The following LOC400499 variants were observed in gnomAD, a reference collection of about 807,000 sequenced individuals.
At chr16:11,459,445 C>G in the LOC400499 span, among the ~76,000 whole-genome samples, 1 of 152,028 alleles carries the variant, frequency 6.6e-6, no homozygotes, top group African/African-American at 2.4e-5. Flanking sequence ...ATCCGCCCGC[C>G]TCGGCCTCCC....
At chr16:11,459,482 C>CA in the LOC400499 span, among the ~76,000 whole-genome samples, 2 of 152,080 alleles carry the variant, frequency 1.3e-5, no homozygotes, top group Non-Finnish European at 2.9e-5. Flanking sequence ...AGGCATGAGC[C>CA]ACTGCGCCCG....
At chr16:11,458,653 G>T in the LOC400499 span, among the ~76,000 whole-genome samples, 3 of 152,150 alleles carry the variant, frequency 2.0e-5, no homozygotes, top group African/African-American at 7.2e-5. Flanking sequence ...TTATAGACTT[G>T]CAGTTTTGCA....
the LOC400499 span, chr16:11,392,818 A>C: frequency 1.0e-6 from 1 of 982,162 alleles, no homozygotes; most frequent in Non-Finnish European, 1.2e-6. Context: ...CCACAGGAAC[A>C]CATCACCCCC....
chr16:11,387,876 G>C, the LOC400499 span, among the ~76,000 whole-genome samples: 73 of 152,074 alleles, frequency 4.8e-4, no homozygotes, highest in African/African-American at 1.7e-3. Context: ...TGCCCACCTC[G>C]GCCTCCCAAA....
At chr16:11,452,153 G>A in the LOC400499 span, among the ~76,000 whole-genome samples, 2 of 150,476 alleles carry the variant, frequency 1.3e-5, no homozygotes, top group African/African-American at 4.9e-5. Context: ...GTTGTGATCT[G>A]GCAAACTCAG....
chr16:11,460,939 C>T, the LOC400499 span: 24 of 1,506,708 alleles, frequency 1.6e-5, no homozygotes, highest in East Asian at 2.5e-5. Context: ...CCACCTGCCC[C>T]GCAACCAGGC....
At chr16:11,446,752 G>C in the LOC400499 span, 15 of 1,535,910 alleles carry the variant, frequency 9.8e-6, no homozygotes, top group South Asian at 1.7e-4. Context: ...ACTCACGTAG[G>C]GGTGTCCGGC....
chr16:11,469,867 G>T, the LOC400499 span, among the ~76,000 whole-genome samples: 7 of 152,196 alleles, frequency 4.6e-5, no homozygotes, highest in Admixed American at 1.3e-4. Flanking sequence ...AGAAGCGGCT[G>T]CGGTGCACAC....
At chr16:11,498,960 G>T in the LOC400499 span, among the ~76,000 whole-genome samples, 2 of 147,634 alleles carry the variant, frequency 1.4e-5, no homozygotes, top group African/African-American at 5.0e-5. Flanking sequence ...GGTGAGGAAT[G>T]GGGCTGGGAT....
chr16:11,410,662 G>A, the LOC400499 span, among the ~76,000 whole-genome samples: 10 of 152,306 alleles, frequency 6.6e-5, no homozygotes, highest in East Asian at 1.7e-3. Flanking sequence ...GAAGTGACTA[G>A]TTACAGATGT....
chr16:11,428,776 A>G, the LOC400499 span, among the ~76,000 whole-genome samples: 4 of 152,160 alleles, frequency 2.6e-5, no homozygotes, highest in Non-Finnish European at 5.9e-5. Flanking sequence ...TTCAAGATGG[A>G]GTTGCTCTGG....
the LOC400499 span, among the ~76,000 whole-genome samples, chr16:11,502,468 G>C: frequency 1.3e-5 from 2 of 152,246 alleles, no homozygotes; most frequent in Non-Finnish European, 1.5e-5. Context: ...ATATGGCAGT[G>C]AAAGAACAGG....
chr16:11,459,905 G>A, the LOC400499 span: 6 of 1,432,026 alleles, frequency 4.2e-6, no homozygotes, highest in Non-Finnish European at 5.5e-6. Context: ...CCTCCATGAA[G>A]TGATTGCTCA....
chr16:11,388,723 G>A, the LOC400499 span, among the ~76,000 whole-genome samples: 4 of 152,236 alleles, frequency 2.6e-5, no homozygotes, highest in East Asian at 1.9e-4. Context: ...CCACCTACCC[G>A]CCTCCCCAGT....
At chr16:11,479,647 A>G in the LOC400499 span, among the ~76,000 whole-genome samples, 6 of 152,042 alleles carry the variant, frequency 3.9e-5, no homozygotes, top group African/African-American at 1.5e-4. Context: ...AGAAAAGAAA[A>G]AAAGAAAATT....
chr16:11,387,013 C>T, the LOC400499 span: 5 of 962,796 alleles, frequency 5.2e-6, no homozygotes, highest in Non-Finnish European at 6.7e-6. Flanking sequence ...AGCTCTGGGC[C>T]TGGCACTGTG....
the LOC400499 span, chr16:11,459,816 G>T: frequency 8.1e-7 from 1 of 1,228,676 alleles, no homozygotes; most frequent in Non-Finnish European, 1.0e-6. Flanking sequence ...CAGGGCCAGA[G>T]GGCCATGTGG....
chr16:11,456,711 A>AGCCACTGTGCCTGGCCCAGTTTT, the LOC400499 span: 1 of 954,920 alleles, frequency 1.0e-6, no homozygotes, highest in Non-Finnish European at 1.5e-6. Flanking sequence ...TACAGGCGTG[A>AGCCACTGTGCCTGGCCCAGTTTT]GCCACTGTGC....
the LOC400499 span, among the ~76,000 whole-genome samples, chr16:11,388,280 A>C: frequency 3.3e-5 from 5 of 152,152 alleles, no homozygotes; most frequent in African/African-American, 9.7e-5. Flanking sequence ...CAGCCAAGCC[A>C]AACCCCGCCC....
Sources: gnomAD v4.1 joint callset for allele counts (sites outside exome capture counted in the v4.1 genomes callset) on GRCh38, gnomAD v4.1.1 for gene constraint, MANE v1.5 for transcripts.